The following LRP6 variants were observed in gnomAD, a reference collection of about 807,000 sequenced individuals.
LRP6 encodes low-density lipoprotein receptor-related protein 6.
A neutral mutation model predicts 184.1 loss-of-function variants in LRP6; 43 were observed. That is an observed-to-expected ratio of 0.23 (90% CI 0.18 to 0.30). The LOEUF is 0.30. Ranked by LOEUF, LRP6 falls within the 10% of genes least tolerant of loss-of-function variation. The probability of loss-of-function intolerance (pLI) is 1.00; values close to 1 mark genes in which losing one functional copy is unlikely to be tolerated. For missense variants in LRP6, 1,571 were observed against 2,005.3 expected (o/e 0.78, Z 4.14); for synonymous variants, 719 against 684.9 (o/e 1.05, Z -0.78).
In LRP6 at chr12:12,135,367, G is replaced by C; in HGVS notation, c.3608-67C>G. 3 of 1,051,710 alleles carry C rather than the reference G, an allele frequency of 2.9e-6. No individual in the cohort carries two copies. In the Admixed American group the frequency reaches 5.5e-5, roughly 19 times the overall value. The allele number at this position is 1,051,710 out of a possible 1,614,324, so 65.1% of individuals were successfully genotyped here. On this transcript the variant is annotated intron_variant, in intron 16 of 22. Transcript: ENST00000261349. ...GGAGGGGGAGAGAAGTGGGAGAGAA[G>C]AGAAAAAGGGACAACCCTGTCAAAA...
At chr12:12,202,039 T>C (rs1863924773) in intron 3 of LRP6, among the ~76,000 whole-genome samples, 2 of 152,230 alleles carry the variant, frequency 1.3e-5, no homozygotes, top group Non-Finnish European at 2.9e-5. Context: ...AGGTCTCAGA[T>C]TGAGATCAAA....
intron 2 of LRP6, among the ~76,000 whole-genome samples, chr12:12,212,197 C>G (rs1864228372): frequency 6.6e-6 from 1 of 152,126 alleles, no homozygotes; most frequent in Non-Finnish European, 1.5e-5. Context: ...TATCCTAAAA[C>G]AATCTAGCAT....
At chr12:12,233,591 T>A (rs1377765910) in intron 2 of LRP6, among the ~76,000 whole-genome samples, 1 of 152,196 alleles carries the variant, frequency 6.6e-6, no homozygotes, top group Non-Finnish European at 1.5e-5. Context: ...GAGGACCAAC[T>A]GAACTGCTCT....
At chr12:12,209,064 A>G (rs150156737) in intron 2 of LRP6, among the ~76,000 whole-genome samples, 318 of 152,324 alleles carry the variant, frequency 2.1e-3, no homozygotes, top group African/African-American at 6.6e-3. Context: ...AATATCTACT[A>G]ATCTATACTC....
intron 15 of LRP6, among the ~76,000 whole-genome samples, chr12:12,140,975 C>A (rs1006218744): frequency 6.6e-6 from 1 of 152,114 alleles, no homozygotes; most frequent in African/African-American, 2.4e-5. Context: ...ATGTACCATG[C>A]TAAATTTTAT....
Position 12,118,287 on chromosome 12 carries a change from G to A in LRP6, c.*2839C>T, listed in dbSNP as rs1057385022. 21 of 152,296 alleles carry A rather than the reference G, an allele frequency of 1.4e-4. No homozygotes were observed. In the East Asian group the frequency reaches 3.7e-3, roughly 27 times the overall value. 9.4% of individuals were successfully genotyped at this position (152,296 alleles called of 1,614,324 possible). On this transcript the variant is annotated 3_prime_UTR_variant, in exon 23 of 23. Transcript: ENST00000261349. The stretch of plus-strand genomic sequence containing the variant: ...CTTAAGTCACTATTCAGAAGACCAC[G>A]ACTCTGTTGGAGCAAAGTCCAGGCC...
At chr12:12,203,517 A>G (rs1863970747) in intron 2 of LRP6, 117 bp from the exon 3 acceptor site, 3 of 818,750 alleles carry the variant, frequency 3.7e-6, no homozygotes, top group African/African-American at 1.7e-5. Context: ...TTGTAATCCC[A>G]GCACTCTGGG....
intron 2 of LRP6, among the ~76,000 whole-genome samples, chr12:12,243,535 A>T (rs991999942): frequency 2.0e-5 from 3 of 152,114 alleles, no homozygotes; most frequent in Non-Finnish European, 4.4e-5. Context: ...TTATCTTCTG[A>T]TATCACAAAA....
chr12:12,167,396 C>G (rs897729007), intron 7 of LRP6, among the ~76,000 whole-genome samples: 2 of 152,174 alleles, frequency 1.3e-5, no homozygotes, highest in African/African-American at 4.8e-5. Flanking sequence ...GTAATCCCAG[C>G]ATTTTGGGAG....
At chr12:12,139,005 G>A (rs1341270694) in intron 15 of LRP6, 1 of 1,320,956 alleles carries the variant, frequency 7.6e-7, no homozygotes, top group Non-Finnish European at 1.0e-6. Context: ...AATCATCTCA[G>A]ACATAGAGTC....
intron 7 of LRP6, among the ~76,000 whole-genome samples, chr12:12,178,829 G>C (rs1419904210): frequency 6.6e-6 from 1 of 152,098 alleles, no homozygotes; most frequent in East Asian, 1.9e-4. Context: ...ATACTAACGG[G>C]GTTTCTTCTA....
At chr12:12,124,707 A>T (rs1441312053) in intron 21 of LRP6, 45 bp from the exon 22 acceptor site, 1 of 1,204,106 alleles carries the variant, frequency 8.3e-7, no homozygotes. Context: ...CAACATAGAA[A>T]CTATCAGACT....
intron 16 of LRP6, 111 bp downstream of exon 16, chr12:12,138,214 A>G (rs1470112961): frequency 3.7e-6 from 4 of 1,075,332 alleles, no homozygotes; most frequent in Non-Finnish European, 5.6e-6. Context: ...TGGCAAAACT[A>G]AAAGTGCATG....
intron 15 of LRP6, among the ~76,000 whole-genome samples, chr12:12,145,633 T>C (rs1255317588): frequency 2.4e-5 from 3 of 126,938 alleles, no homozygotes; most frequent in African/African-American, 8.7e-5. Context: ...TCTTTTTTTT[T>C]TTTTTTTTTT....
At chr12:12,166,846 C>T (rs556323635) in intron 7 of LRP6, among the ~76,000 whole-genome samples, 4 of 152,146 alleles carry the variant, frequency 2.6e-5, no homozygotes, top group Middle Eastern at 3.4e-3. Flanking sequence ...GCCTATAATC[C>T]CAGCACTTTG....
chr12:12,181,480 G>T (rs74061124), intron 5 of LRP6, 41 bp from the exon 6 acceptor site: 1 of 916,208 alleles, frequency 1.1e-6, no homozygotes, highest in Non-Finnish European at 1.8e-6. Context: ...TTGAAACCCA[G>T]AGGTAAAATT....
intron 2 of LRP6, among the ~76,000 whole-genome samples, chr12:12,217,472 T>C (rs1227620746): frequency 6.6e-6 from 1 of 152,124 alleles, no homozygotes; most frequent in Non-Finnish European, 1.5e-5. Flanking sequence ...ACAATAAAGG[T>C]AATGTGCTTA....
Position 12,119,025 on chromosome 12 carries a change from T to G in LRP6, c.*2101A>C, listed in dbSNP as rs1252088741. The G allele has an allele frequency of 6.6e-6, 1 of 152,248 alleles. No individual in the cohort carries two copies. The highest frequency in any genetic ancestry group is 6.5e-5 in the Admixed American group (1 of 15,286). The allele number at this position is 152,248 out of a possible 1,614,324, so 9.4% of individuals were successfully genotyped here. On this transcript the variant is annotated 3_prime_UTR_variant, in exon 23 of 23. Coordinates refer to ENST00000261349, the MANE Select transcript of LRP6 (RefSeq NM_002336.3). ...CTTCATTTAAGCATCAAGTGCCCTGTGTATCACAGAATCCAAGTTCAATGT... is the reference window on the plus strand; with the variant it reads ...CTTCATTTAAGCATCAAGTGCCCTGGGTATCACAGAATCCAAGTTCAATGT...
Position 12,121,388 on chromosome 12 carries a change from G to A in LRP6, c.4580C>T (p.Pro1527Leu), listed in dbSNP as rs760139261. 6.2e-7 allele frequency: 1 copy of A among 1,613,964 alleles called. No individual in the cohort carries two copies. Among genetic ancestry groups the A allele is most frequent in the Non-Finnish European group, 8.5e-7 (1 of 1,180,024 alleles). The stretch of plus-strand genomic sequence containing the variant: ...ATCTGTGCTGCAGGGTGTGGTGGGG[G>A]GTGCAAAGTGCCGGTAGCTATATGG... Reference protein sequence around the residue: ...YRPYSYRHFAPPTTPCSTDVC... With the variant: ...YRPYSYRHFALPTTPCSTDVC... The change falls in exon 23 of 23, where the codon CCC becomes CTC. Residue 1527 changes from proline to leucine, a missense_variant. This residue lies in a region of LRP6 where 763 missense variants were observed against 859.5 expected (regional missense o/e 0.89). Transcript: ENST00000261349.
Sources: gnomAD v4.1 joint callset for allele counts (sites outside exome capture counted in the v4.1 genomes callset) on GRCh38, gnomAD v4.1.1 for gene constraint, gnomAD v4.1.1 regional missense constraint, MANE v1.5 for transcripts, NCBI Gene and HGNC (gene_info 2026-07-23, HGNC 2026-07-21) for gene names.